The following SH3RF3 variants were observed in gnomAD, a reference collection of about 807,000 sequenced individuals.
The protein encoded by SH3RF3 is E3 ubiquitin-protein ligase SH3RF3.
In SH3RF3, 29 loss-of-function variants were observed where a neutral mutation model predicts 66.3. The ratio of observed to expected loss-of-function variants is 0.44; its 90% confidence interval spans 0.33 to 0.60. The LOEUF is 0.60. SH3RF3 is among the 20% of genes least tolerant of loss of function. The pLI, the probability that SH3RF3 is intolerant of heterozygous loss-of-function variation, is 0.04. For missense variants in SH3RF3, 1,194 were observed against 1,190.9 expected (o/e 1.00, Z -0.04); for synonymous variants, 583 against 532.0 (o/e 1.10, Z -1.32).
chr2:109,346,816 C>CG (rs1411560438), intron 1 of SH3RF3, among the ~76,000 whole-genome samples: 2 of 152,174 alleles, frequency 1.3e-5, no homozygotes, highest in African/African-American at 4.8e-5. Flanking sequence ...TAACCTCTGA[C>CG]GGATACAAGA....
intron 1 of SH3RF3, among the ~76,000 whole-genome samples, chr2:109,317,411 C>A (rs192985550): frequency 6.6e-6 from 1 of 152,030 alleles, no homozygotes; most frequent in Admixed American, 6.6e-5. Context: ...TCCCTGTTAG[C>A]GCTCAGAAGG....
chr2:109,178,472 T>C (rs918911030), intron 1 of SH3RF3, among the ~76,000 whole-genome samples: 1 of 152,232 alleles, frequency 6.6e-6, no homozygotes, highest in Non-Finnish European at 1.5e-5. Flanking sequence ...TCCAGAGATA[T>C]TATACTTGGA....
chr2:109,414,442 T>C (rs539789120), intron 4 of SH3RF3, among the ~76,000 whole-genome samples: 1 of 152,080 alleles, frequency 6.6e-6, no homozygotes, highest in African/African-American at 2.4e-5. Flanking sequence ...GGCAGGAGGG[T>C]AAACCTGGCC....
intron 1 of SH3RF3, among the ~76,000 whole-genome samples, chr2:109,197,124 G>T (rs1226665850): frequency 6.6e-6 from 1 of 152,220 alleles, no homozygotes; most frequent in African/African-American, 2.4e-5. Context: ...CAGAGGTTGG[G>T]TTTGAACCTG....
At position 109,129,628 on chromosome 2, in the gene SH3RF3, C is replaced by G. The variant is rs542151036; in HGVS notation, c.88C>G (p.Arg30Gly). 1.8e-4 allele frequency: 271 copies of G among 1,490,638 alleles called. 1 individual carries two copies. The African/African-American group carries it at 3.2e-3, about 18-fold the overall frequency. 92.3% of individuals were successfully genotyped at this position (1,490,638 alleles called of 1,614,324 possible). The change falls in exon 1 of 10, where the codon CGA becomes GGA. Residue 30 changes from arginine to glycine, a missense_variant. Coordinates refer to ENST00000309415, the MANE Select transcript of SH3RF3 (RefSeq NM_001099289.3). The part of the protein sequence containing the change: ...SEGDEDRPGE[R>G]RRRRAAATAA... ...GGGCGACGAGGACAGGCCAGGCGAG[C>G]GACGGCGGCGTCGGGCGGCGGCCAC... is the stretch of plus-strand genomic sequence containing the variant.
intron 5 of SH3RF3, 149 bp from the exon 6 acceptor site, chr2:109,432,350 TGA>T: frequency 1.0e-6 from 1 of 981,404 alleles, no homozygotes; most frequent in South Asian, 1.7e-5. Context: ...GGAGGGTGTG[TGA>T]GGCCTCTGTA....
chr2:109,427,117 T>C (rs929779797), intron 5 of SH3RF3, among the ~76,000 whole-genome samples: 6 of 152,076 alleles, frequency 3.9e-5, no homozygotes, highest in Non-Finnish European at 7.4e-5. Flanking sequence ...TGCAGGTGCC[T>C]GCCACCACAC....
intron 4 of SH3RF3, among the ~76,000 whole-genome samples, chr2:109,401,862 A>G (rs1676326313): frequency 6.6e-6 from 1 of 152,216 alleles, no homozygotes; most frequent in East Asian, 1.9e-4. Flanking sequence ...AGATGTTTCT[A>G]TTAATTTGCA....
chr2:109,359,198 G>A (rs776171655), intron 2 of SH3RF3, among the ~76,000 whole-genome samples: 5 of 152,024 alleles, frequency 3.3e-5, no homozygotes, highest in South Asian at 4.1e-4. Context: ...TTTCAGTCTC[G>A]AAGTCATGTA....
At chr2:109,133,090 G>A (rs1259835015) in intron 1 of SH3RF3, among the ~76,000 whole-genome samples, 2 of 152,188 alleles carry the variant, frequency 1.3e-5, no homozygotes, top group Admixed American at 6.5e-5. Flanking sequence ...TGACAGTAGA[G>A]GTAGTGAGTG....
rs372559016 is a variant in SH3RF3 at position 109,436,917 on chromosome 2, G to A, written c.1599G>A (p.Pro533=). The A allele has an allele frequency of 2.5e-5, 40 of 1,613,410 alleles. 1 individual carries two copies. Among genetic ancestry groups the A allele is most frequent in the African/African-American group, 1.5e-4 (11 of 74,940 alleles). ...VSRVPAGGAG[P]PRNNVVGGSP... is the part of the protein sequence containing the mutation. ...GGGTGCCTGCAGGAGGGGCAGGGCC[G>A]CCCCGGAATAATGTAGTCGGAGGGT... Residue 533 remains proline, a synonymous_variant, in exon 7 of 10, where the codon CCG becomes CCA. Transcript: ENST00000309415.
intron 8 of SH3RF3, among the ~76,000 whole-genome samples, chr2:109,478,213 C>T (rs1030781151): frequency 4.6e-5 from 7 of 152,230 alleles, no homozygotes; most frequent in Admixed American, 2.0e-4. Flanking sequence ...TCACACTTCA[C>T]GCTGGCTCCC....
chr2:109,373,544 C>G (rs556524150), intron 3 of SH3RF3, among the ~76,000 whole-genome samples: 1 of 152,112 alleles, frequency 6.6e-6, no homozygotes, highest in South Asian at 2.1e-4. Flanking sequence ...TTGAAAGAAG[C>G]CAGACATAAA....
Position 109,301,089 on chromosome 2 carries a change from A to T in SH3RF3, c.574-46585A>T, listed in dbSNP as rs370089720. ...TGCCCAGTACAGTAAATTCTCAATA[A>T]ATAATCATTGCTATTTTAATACTGT... On this transcript the variant is annotated intron_variant, in intron 1 of 9. Coordinates refer to ENST00000309415, the MANE Select transcript of SH3RF3 (RefSeq NM_001099289.3). 7.2e-5 allele frequency among the ~76,000 whole-genome samples: 11 copies of T among 152,284 alleles called. No homozygotes were observed. The East Asian group carries it at 2.1e-3, about 29-fold the overall frequency.
intron 5 of SH3RF3, among the ~76,000 whole-genome samples, chr2:109,428,433 A>G (rs1677095930): frequency 1.3e-5 from 2 of 152,362 alleles, no homozygotes; most frequent in African/African-American, 2.4e-5. Flanking sequence ...AAGCAGACAC[A>G]TGCCATGCCC....
intron 1 of SH3RF3, among the ~76,000 whole-genome samples, chr2:109,224,886 C>G (rs76282283): frequency 0.065 from 9,924 of 152,128 alleles, 573 homozygotes; most frequent in East Asian, 0.2. Flanking sequence ...TAATTCTAGT[C>G]AATTAAAACT....
intron 1 of SH3RF3, among the ~76,000 whole-genome samples, chr2:109,264,819 C>T (rs1380754380): frequency 6.6e-6 from 1 of 152,242 alleles, no homozygotes; most frequent in Non-Finnish European, 1.5e-5. Context: ...GCCGCACCCT[C>T]CTGAGGCTTT....
At chr2:109,149,511 C>G (rs1677183746) in intron 1 of SH3RF3, among the ~76,000 whole-genome samples, 1 of 152,226 alleles carries the variant, frequency 6.6e-6, no homozygotes, top group Non-Finnish European at 1.5e-5. Context: ...ACAGGGCTCT[C>G]TACCATGAGG....
At chr2:109,491,663 TA>T (rs1275131443) in intron 9 of SH3RF3, among the ~76,000 whole-genome samples, 2 of 152,170 alleles carry the variant, frequency 1.3e-5, no homozygotes, top group African/African-American at 4.8e-5. Flanking sequence ...TTATCCATCC[TA>T]AAAGGGCTCT....
Sources: allele counts gnomAD v4.1 joint callset (sites outside exome capture counted in the v4.1 genomes callset), GRCh38; gene constraint gnomAD v4.1.1; transcripts MANE v1.5; gene names NCBI Gene and HGNC (gene_info 2026-07-23, HGNC 2026-07-21).